The following DOCK2 variants were observed in gnomAD, a reference collection of about 807,000 sequenced individuals.
DOCK2 encodes dedicator of cytokinesis 2, also known as dedicator of cytokinesis protein 2.
DOCK2 carries 87 observed loss-of-function variants against 248.9 expected under a neutral mutation model. That is an observed-to-expected ratio of 0.35 (90% CI 0.29 to 0.42). DOCK2 has a LOEUF of 0.42. Among genes scored for constraint, DOCK2 ranks in the 10% least tolerant of loss-of-function variants. The probability of loss-of-function intolerance (pLI) is 1.00; values close to 1 mark genes in which losing one functional copy is unlikely to be tolerated. For missense variants in DOCK2, 1,747 were observed against 2,300.2 expected (o/e 0.76, Z 4.92); for synonymous variants, 805 against 821.6 (o/e 0.98, Z 0.35).
chr5:170,070,448 G>A (rs568415961), intron 46 of DOCK2, among the ~76,000 whole-genome samples: 2 of 152,328 alleles, frequency 1.3e-5, no homozygotes, highest in South Asian at 4.1e-4. Flanking sequence ...GCACAGACGC[G>A]CTTTTCCCGA....
intron 51 of DOCK2, 32 bp downstream of exon 51, chr5:170,082,016 G>C: frequency 1.9e-6 from 3 of 1,608,950 alleles, no homozygotes; most frequent in Non-Finnish European, 2.5e-6. Context: ...GGAAAGGAAG[G>C]CATTGGGAGG....
At chr5:169,729,874 C>T (rs1762676011) in intron 22 of DOCK2, among the ~76,000 whole-genome samples, 1 of 152,106 alleles carries the variant, frequency 6.6e-6, no homozygotes, top group Admixed American at 6.5e-5. Flanking sequence ...AGTCACTTCA[C>T]CTCTGGGTCT....
At chr5:169,735,621 T>G (rs2113641707) in intron 22 of DOCK2, among the ~76,000 whole-genome samples, 1 of 152,326 alleles carries the variant, frequency 6.6e-6, no homozygotes, top group East Asian at 1.9e-4. Context: ...ATTCCTTAAT[T>G]GCACAGTGAC....
intron 27 of DOCK2, among the ~76,000 whole-genome samples, chr5:169,926,631 A>G (rs923694573): frequency 1.3e-5 from 2 of 152,230 alleles, no homozygotes; most frequent in African/African-American, 4.8e-5. Context: ...ATGCATTAGA[A>G]TGCATTATGC....
At chr5:169,965,098 C>T (rs904734843) in intron 27 of DOCK2, among the ~76,000 whole-genome samples, 2 of 152,200 alleles carry the variant, frequency 1.3e-5, no homozygotes, top group Non-Finnish European at 2.9e-5. Context: ...TCATCCATTG[C>T]TGCACATAGT....
At chr5:169,905,592 A>G (rs1338423425) in intron 27 of DOCK2, among the ~76,000 whole-genome samples, 1 of 152,212 alleles carries the variant, frequency 6.6e-6, no homozygotes, top group Non-Finnish European at 1.5e-5. Context: ...CAAGTCCTGT[A>G]TACGGGCTTG....
At chr5:169,809,896 A>G (rs1431822620) in intron 26 of DOCK2, among the ~76,000 whole-genome samples, 1 of 151,404 alleles carries the variant, frequency 6.6e-6, no homozygotes, top group Non-Finnish European at 1.5e-5. Context: ...GTTAAATGTG[A>G]CTCTCCTGAG....
intron 27 of DOCK2, chr5:169,841,608 A>G (rs1444518361): frequency 4.0e-6 from 1 of 252,936 alleles, no homozygotes; most frequent in Non-Finnish European, 6.2e-6. Flanking sequence ...ATGCTTATTT[A>G]TTTATGTGTT....
At chr5:169,993,558 T>TGC (rs1188250836) in intron 29 of DOCK2, among the ~76,000 whole-genome samples, 1 of 151,828 alleles carries the variant, frequency 6.6e-6, no homozygotes, top group African/African-American at 2.4e-5. Flanking sequence ...TTTGTGTGTG[T>TGC]GTGTGTGTGT....
Position 169,743,331 on chromosome 5 carries a change from G to T in DOCK2, c.2268-4065G>T, listed in dbSNP as rs181372944. ...TTGTGCCTGTCATCCCAGCTACTCAGGAGGCTGAGGCTGGAGGATCACTTG... is the reference window on the plus strand; with the variant it reads ...TTGTGCCTGTCATCCCAGCTACTCATGAGGCTGAGGCTGGAGGATCACTTG... On this transcript the variant is annotated intron_variant, in intron 22 of 51. Coordinates refer to ENST00000520908, the MANE Select transcript of DOCK2 (RefSeq NM_004946.3). Among the ~76,000 whole-genome samples the T allele has an allele frequency of 5.8e-3, 888 of 152,298 alleles. 6 individuals carry two copies. The highest frequency in any genetic ancestry group is 1.0e-2 in the Non-Finnish European group (678 of 68,018).
At chr5:169,931,495 G>A (rs1775751864) in intron 27 of DOCK2, among the ~76,000 whole-genome samples, 1 of 152,342 alleles carries the variant, frequency 6.6e-6, no homozygotes, top group Non-Finnish European at 1.5e-5. Context: ...AATTAGATGT[G>A]GTTATTTTAT....
intron 23 of DOCK2, among the ~76,000 whole-genome samples, chr5:169,753,362 C>A (rs1014950564): frequency 1.3e-5 from 2 of 151,672 alleles, no homozygotes; most frequent in African/African-American, 2.4e-5. Context: ...CCTCACCCCC[C>A]CCCACCCCCT....
intron 27 of DOCK2, among the ~76,000 whole-genome samples, chr5:169,908,680 C>T (rs1774422401): frequency 6.6e-6 from 1 of 150,508 alleles, no homozygotes; most frequent in Admixed American, 6.6e-5. Flanking sequence ...CTTCATTTTA[C>T]AGGTTTCAAT....
chr5:169,774,540 A>G (rs968578407), intron 25 of DOCK2, among the ~76,000 whole-genome samples: 13 of 152,342 alleles, frequency 8.5e-5, no homozygotes, highest in African/African-American at 2.6e-4. Flanking sequence ...CTGAACTGCC[A>G]TGCTGGATGA....
At chr5:169,771,672 T>C (rs938938000) in intron 25 of DOCK2, among the ~76,000 whole-genome samples, 6 of 152,212 alleles carry the variant, frequency 3.9e-5, no homozygotes, top group African/African-American at 1.2e-4. Context: ...TGATTTTATG[T>C]ATTGTGAATA....
intron 26 of DOCK2, among the ~76,000 whole-genome samples, chr5:169,816,100 A>G (rs575256185): frequency 4.6e-5 from 7 of 152,172 alleles, no homozygotes; most frequent in Non-Finnish European, 8.8e-5. Context: ...AAATATAGCT[A>G]TGTTTGGTCC....
intron 22 of DOCK2, among the ~76,000 whole-genome samples, chr5:169,740,068 T>A (rs1040413988): frequency 1.4e-4 from 21 of 152,368 alleles, no homozygotes; most frequent in African/African-American, 5.0e-4. Context: ...AACTTAGTTT[T>A]CTCGCCAAAT....
At chr5:169,682,314 A>C (rs1188190607) in intron 7 of DOCK2, among the ~76,000 whole-genome samples, 2 of 152,248 alleles carry the variant, frequency 1.3e-5, no homozygotes, top group African/African-American at 4.8e-5. Context: ...GAATCATGTG[A>C]GGGCACCAGG....
chr5:169,682,117 G>A (rs1255231930), intron 7 of DOCK2, among the ~76,000 whole-genome samples: 1 of 152,200 alleles, frequency 6.6e-6, no homozygotes, highest in East Asian at 1.9e-4. Flanking sequence ...CTTGGAGCTT[G>A]TAGATTCCAG....
Sources: gnomAD v4.1 joint callset for allele counts (sites outside exome capture counted in the v4.1 genomes callset) on GRCh38, gnomAD v4.1.1 for gene constraint, MANE v1.5 for transcripts, NCBI Gene and HGNC (gene_info 2026-07-23, HGNC 2026-07-21) for gene names.